COL25A1: variants seen among roughly 807,000 people sequenced by gnomAD.
COL25A1 encodes collagen alpha-1(XXV) chain.
Under a neutral mutation model 128.4 loss-of-function variants are expected in COL25A1, and 103 were observed. That is an observed-to-expected ratio of 0.80 (90% CI 0.68 to 0.94). The LOEUF (loss-of-function observed/expected upper bound fraction) is 0.94, where lower values mean the gene tolerates loss of function less well. COL25A1 is among the 40% of genes least tolerant of loss of function. COL25A1 has a pLI of 0.00. For missense variants in COL25A1, 745 were observed against 840.0 expected (o/e 0.89, Z 1.40); for synonymous variants, 279 against 277.2 (o/e 1.01, Z -0.06).
intron 3 of COL25A1, among the ~76,000 whole-genome samples, chr4:109,186,074 A>C (rs2126153036): frequency 6.6e-6 from 1 of 152,376 alleles, no homozygotes; most frequent in Middle Eastern, 3.4e-3. Flanking sequence ...AAGAATGGCA[A>C]TGAGGCATCT....
chr4:109,262,339 C>T (rs1007561671), intron 3 of COL25A1, among the ~76,000 whole-genome samples: 1 of 151,704 alleles, frequency 6.6e-6, no homozygotes, highest in Admixed American at 6.6e-5. Context: ...CATGGCAAAA[C>T]CCCGTCTCTA....
chr4:108,964,821 G>T (rs1350429668), intron 8 of COL25A1, among the ~76,000 whole-genome samples: 1 of 152,114 alleles, frequency 6.6e-6, no homozygotes, highest in Non-Finnish European at 1.5e-5. Flanking sequence ...CCTATGATAA[G>T]AACATGTGCA....
intron 3 of COL25A1, among the ~76,000 whole-genome samples, chr4:109,196,017 C>A (rs112373735): frequency 6.6e-6 from 1 of 152,180 alleles, no homozygotes; most frequent in Non-Finnish European, 1.5e-5. Flanking sequence ...GAAATAGCAA[C>A]AGAAGCGAAG....
chr4:108,861,779 G>A (rs1381791450), intron 22 of COL25A1, among the ~76,000 whole-genome samples: 2 of 152,070 alleles, frequency 1.3e-5, no homozygotes, highest in Admixed American at 1.3e-4. Flanking sequence ...AATTGATAGG[G>A]TTCTTTTTCT....
intron 11 of COL25A1, among the ~76,000 whole-genome samples, chr4:108,927,012 A>G (rs1226265417): frequency 6.6e-6 from 1 of 152,110 alleles, no homozygotes; most frequent in African/African-American, 2.4e-5. Context: ...GAGCAGAGCA[A>G]GACAGTGCTG....
At chr4:108,909,446 C>A (rs760482161) in intron 13 of COL25A1, among the ~76,000 whole-genome samples, 3 of 152,116 alleles carry the variant, frequency 2.0e-5, no homozygotes, top group Non-Finnish European at 4.4e-5. Context: ...GTGACCAAAC[C>A]TTCCTTATGC....
intron 6 of COL25A1, among the ~76,000 whole-genome samples, chr4:109,000,743 C>CAAAAAAAAAAAAAAAAAAAAAAA (rs1180104512): frequency 1.1e-4 from 4 of 36,428 alleles, no homozygotes; most frequent in African/African-American, 6.9e-4. Flanking sequence ...GAGACTCTGT[C>CAAAAAAAAAAAAAAAAAAAAAAA]AAAAAAAAAA....
intron 5 of COL25A1, among the ~76,000 whole-genome samples, chr4:109,022,869 C>T (rs571615529): frequency 6.6e-6 from 1 of 152,098 alleles, no homozygotes; most frequent in Non-Finnish European, 1.5e-5. Flanking sequence ...ACAGGAAAGG[C>T]TTTAATTTAG....
chr4:108,966,468 C>A (rs1019424910), intron 8 of COL25A1, among the ~76,000 whole-genome samples: 1 of 152,156 alleles, frequency 6.6e-6, no homozygotes, highest in Non-Finnish European at 1.5e-5. Flanking sequence ...TGAGTCCCAA[C>A]ACTGTCTTTT....
intron 3 of COL25A1, among the ~76,000 whole-genome samples, chr4:109,294,807 A>G (rs894347966): frequency 6.6e-5 from 10 of 151,580 alleles, no homozygotes; most frequent in African/African-American, 2.4e-4. Flanking sequence ...ATTTGGATAA[A>G]TGTCTTGTGA....
intron 3 of COL25A1, among the ~76,000 whole-genome samples, chr4:109,158,654 G>A (rs374383950): frequency 1.6e-4 from 24 of 152,296 alleles, no homozygotes; most frequent in African/African-American, 4.6e-4. Flanking sequence ...GGAATTAAAC[G>A]TGATTCATGG....
At chr4:109,079,752 C>G (rs1763675969) in intron 3 of COL25A1, among the ~76,000 whole-genome samples, 1 of 151,306 alleles carries the variant, frequency 6.6e-6, no homozygotes, top group Admixed American at 6.7e-5. Context: ...TTTTGTGTCA[C>G]AGGCTTCCAG....
chr4:109,142,472 TG>T (rs1048004592), intron 3 of COL25A1, among the ~76,000 whole-genome samples: 52 of 152,264 alleles, frequency 3.4e-4, no homozygotes, highest in African/African-American at 1.2e-3. Flanking sequence ...TGAATATCCT[TG>T]TTAATTTTCT....
In COL25A1 at chr4:109,301,954, A is replaced by AG. The variant is rs1561004621; in HGVS notation, c.65dup (p.Ala23CysfsTer58). ...TGGTCCGGGCACAATGCTGTTCGGC[A>AG]GGGGTCGGGTCCTCGGATCTGGGCT... is the stretch of plus-strand genomic sequence containing the variant. On this transcript the variant is annotated frameshift_variant, in exon 2 of 38. Coordinates refer to ENST00000399132, the MANE Select transcript of COL25A1 (RefSeq NM_198721.4). LOFTEE classifies it high-confidence loss of function. 1.9e-6 allele frequency: 3 copies of AG among 1,612,854 alleles called. No homozygotes were observed. The highest frequency in any genetic ancestry group is 2.5e-6 in the Non-Finnish European group (3 of 1,179,736).
chr4:108,928,339 T>C (rs959037171), intron 11 of COL25A1, among the ~76,000 whole-genome samples: 1 of 152,108 alleles, frequency 6.6e-6, no homozygotes, highest in Non-Finnish European at 1.5e-5. Flanking sequence ...TTCAGATCTG[T>C]TTTCTACCTA....
chr4:109,060,861 T>G (rs186664049), intron 3 of COL25A1, among the ~76,000 whole-genome samples: 60 of 152,276 alleles, frequency 3.9e-4, no homozygotes, highest in African/African-American at 1.4e-3. Context: ...TATTTTTTCT[T>G]GAAACAACTC....
At chr4:109,104,447 T>G (rs972206357) in intron 3 of COL25A1, among the ~76,000 whole-genome samples, 4 of 151,844 alleles carry the variant, frequency 2.6e-5, no homozygotes, top group Non-Finnish European at 5.9e-5. Context: ...GAATTAATGG[T>G]TCCAATCAAT....
chr4:108,826,301 G>T (rs1368908066), intron 33 of COL25A1, among the ~76,000 whole-genome samples: 1 of 152,150 alleles, frequency 6.6e-6, no homozygotes, highest in Non-Finnish European at 1.5e-5. Context: ...ACTTTGAGAG[G>T]CCGAGAAGGG....
At chr4:109,219,859 T>C (rs1394492359) in intron 3 of COL25A1, among the ~76,000 whole-genome samples, 2 of 152,228 alleles carry the variant, frequency 1.3e-5, no homozygotes, top group Non-Finnish European at 2.9e-5. Context: ...TTTGTTATCC[T>C]ACTAAACAGA....
Sources: allele counts gnomAD v4.1 joint callset (sites outside exome capture counted in the v4.1 genomes callset), GRCh38; gene constraint gnomAD v4.1.1; transcripts MANE v1.5; gene names NCBI Gene and HGNC (gene_info 2026-07-23, HGNC 2026-07-21).